CIROZ: variants seen among roughly 807,000 people sequenced by gnomAD.
The protein encoded by CIROZ is ciliated left-right organizer protein containing ZP-N domains, also known as ciliated left-right organizer ZP-N domains-containing protein.
the CIROZ span, among the ~76,000 whole-genome samples, chr1:10,975,971 G>A: frequency 2.6e-4 from 39 of 152,198 alleles, no homozygotes; most frequent in Middle Eastern, 3.4e-3. Flanking sequence ...TCCAGCACTC[G>A]GCCTGCAGGA....
At chr1:10,968,706 C>T in the CIROZ span, among the ~76,000 whole-genome samples, 15 of 152,326 alleles carry the variant, frequency 9.8e-5, no homozygotes, top group East Asian at 2.5e-3. Context: ...CCCCACCTGG[C>T]GCTGCCACGT....
chr1:10,973,693 G>A, the CIROZ span, among the ~76,000 whole-genome samples: 8 of 152,270 alleles, frequency 5.3e-5, no homozygotes, highest in Non-Finnish European at 1.2e-4. Context: ...GAGTTGGGAC[G>A]GGAACTCCTT....
the CIROZ span, among the ~76,000 whole-genome samples, chr1:10,961,902 A>G: frequency 2.0e-5 from 3 of 152,080 alleles, no homozygotes; most frequent in Non-Finnish European, 4.4e-5. Context: ...AGCCGAGATC[A>G]CACCGCTGTA....
At chr1:10,957,796 G>A in the CIROZ span, 1 of 1,588,510 alleles carries the variant, frequency 6.3e-7, no homozygotes, top group Non-Finnish European at 8.6e-7. Flanking sequence ...GGCCAGGGAG[G>A]CACGGTCACT....
chr1:10,977,352 G>A, the CIROZ span, among the ~76,000 whole-genome samples: 11 of 151,932 alleles, frequency 7.2e-5, no homozygotes, highest in South Asian at 2.1e-4. Flanking sequence ...GCGTGGTGGC[G>A]TGCGCCTGTA....
At chr1:10,961,464 C>G in the CIROZ span, among the ~76,000 whole-genome samples, 1 of 152,184 alleles carries the variant, frequency 6.6e-6, no homozygotes, top group Non-Finnish European at 1.5e-5. Context: ...GGGCTCAGAG[C>G]GGAGATGAGC....
At chr1:10,958,689 T>G in the CIROZ span, 4 of 1,613,858 alleles carry the variant, frequency 2.5e-6, no homozygotes, top group East Asian at 8.9e-5. Context: ...GAGTTGCTCC[T>G]GCTACTTCAA....
the CIROZ span, among the ~76,000 whole-genome samples, chr1:10,955,384 G>GA: frequency 6.6e-6 from 1 of 151,934 alleles, no homozygotes; most frequent in East Asian, 1.9e-4. Flanking sequence ...AAGAAGAGAA[G>GA]AAAAAAAGAC....
At chr1:10,947,997 C>A in the CIROZ span, 1 of 1,613,514 alleles carries the variant, frequency 6.2e-7, no homozygotes, top group East Asian at 2.2e-5. Flanking sequence ...AGCTGCTGGG[C>A]GAACAGGTTC....
At chr1:10,964,267 G>T in the CIROZ span, 11 of 1,609,950 alleles carry the variant, frequency 6.8e-6, no homozygotes, top group Admixed American at 1.9e-4. Context: ...CCTGTAATTT[G>T]CTTTCTGGAA....
the CIROZ span, chr1:10,976,208 G>C: frequency 6.5e-7 from 1 of 1,536,698 alleles, no homozygotes. Flanking sequence ...ACCTGAAGGA[G>C]AGGCTCCATG....
the CIROZ span, chr1:10,948,988 G>A: frequency 1.4e-6 from 1 of 712,146 alleles, no homozygotes; most frequent in Non-Finnish European, 2.0e-6. Context: ...ACAATAGGAG[G>A]CCAAGGCGGG....
chr1:10,958,806 C>T, the CIROZ span: 1 of 1,593,304 alleles, frequency 6.3e-7, no homozygotes, highest in Non-Finnish European at 8.6e-7. Context: ...CAAAGGTGAG[C>T]AAACATCCCT....
chr1:10,970,172 G>A, the CIROZ span: 8 of 1,293,008 alleles, frequency 6.2e-6, no homozygotes, highest in South Asian at 3.1e-5. Flanking sequence ...AAGGAAGGAA[G>A]GAAGGAAAAG....
the CIROZ span, among the ~76,000 whole-genome samples, chr1:10,955,757 T>A: frequency 6.7e-6 from 1 of 148,654 alleles, no homozygotes; most frequent in African/African-American, 2.5e-5. Context: ...GGCAGGAGAA[T>A]CGCTTGAACC....
At chr1:10,947,749 G>T in the CIROZ span, 1 of 1,588,600 alleles carries the variant, frequency 6.3e-7, no homozygotes, top group Non-Finnish European at 8.6e-7. Context: ...GCCAAGGTGG[G>T]CTCTGTCAGC....
chr1:10,948,687 G>A, the CIROZ span: 1 of 1,602,408 alleles, frequency 6.2e-7, no homozygotes, highest in Non-Finnish European at 8.5e-7. Context: ...AGGCTCCGAG[G>A]GGAGCGTGGC....
At chr1:10,974,889 A>T in the CIROZ span, among the ~76,000 whole-genome samples, 1 of 152,050 alleles carries the variant, frequency 6.6e-6, no homozygotes, top group Non-Finnish European at 1.5e-5. The surrounding 1 kb of genome is among the most constrained non-coding windows in gnomAD (Gnocchi z 4.4). Context: ...GCTCCCTTGA[A>T]CTTGAAGTTG....
chr1:10,946,968 C>A, the CIROZ span, among the ~76,000 whole-genome samples: 1 of 152,226 alleles, frequency 6.6e-6, no homozygotes, highest in Non-Finnish European at 1.5e-5. Context: ...ATCCCCTCTG[C>A]CTGGGCCGGG....
Sources: gnomAD v4.1 joint callset for allele counts (sites outside exome capture counted in the v4.1 genomes callset) on GRCh38, gnomAD v4.1.1 for gene constraint, Gnocchi (gnomAD v3.1) non-coding constraint, MANE v1.5 for transcripts, NCBI Gene and HGNC (gene_info 2026-07-23, HGNC 2026-07-21) for gene names.